ADGRL3: variants seen among roughly 807,000 people sequenced by gnomAD.
ADGRL3 encodes the protein calcium-independent alpha-latrotoxin receptor 3.
ADGRL3 carries 62 observed loss-of-function variants against 153.5 expected under a neutral mutation model. The observed-to-expected ratio is 0.40, with a 90% CI of 0.33 to 0.50. ADGRL3 has a LOEUF of 0.50. ADGRL3 is among the 20% of genes least tolerant of loss of function. The pLI is 0.47. For missense variants in ADGRL3, 1,641 were observed against 1,859.4 expected (o/e 0.88, Z 2.16); for synonymous variants, 710 against 672.5 (o/e 1.06, Z -0.86).
At chr4:61,785,803 C>A (rs2152407572) in intron 8 of ADGRL3, among the ~76,000 whole-genome samples, 1 of 152,264 alleles carries the variant, frequency 6.6e-6, no homozygotes, top group South Asian at 2.1e-4. Flanking sequence ...TTAGGGGAAT[C>A]TTTCTTGCTA....
rs540919784 is a variant in ADGRL3 at position 62,021,058 on chromosome 4, C to T, written c.3396-7797C>T. On this transcript the variant is annotated intron_variant, in intron 21 of 26. Transcript: ENST00000683033. ...GTCTCCTTCATCTTCTTTGTATTTA[C>T]ACTTAATATATAATTTCCAAAATAC... is the stretch of plus-strand genomic sequence containing the variant. Among the ~76,000 whole-genome samples, 280 of 152,002 alleles carry T rather than the reference C, an allele frequency of 1.8e-3. 1 individual carries two copies. The highest frequency in any genetic ancestry group is 6.3e-3 in the African/African-American group (261 of 41,488).
intron 1 of ADGRL3, among the ~76,000 whole-genome samples, chr4:61,243,071 C>T (rs1345381657): frequency 6.6e-6 from 1 of 151,994 alleles, no homozygotes; most frequent in Non-Finnish European, 1.5e-5. Context: ...TCAATTAAAC[C>T]TTCACTGAAA....
intron 1 of ADGRL3, among the ~76,000 whole-genome samples, chr4:61,304,276 A>G (rs1428434363): frequency 6.6e-6 from 1 of 152,200 alleles, no homozygotes; most frequent in African/African-American, 2.4e-5. Flanking sequence ...TTAATCCAGT[A>G]GTTGTGCAAT....
chr4:61,904,784 T>A (rs1391394212), intron 11 of ADGRL3, among the ~76,000 whole-genome samples: 1 of 152,202 alleles, frequency 6.6e-6, no homozygotes, highest in Non-Finnish European at 1.5e-5. Context: ...CATCGATAGA[T>A]GTAATTAAAG....
intron 2 of ADGRL3, among the ~76,000 whole-genome samples, chr4:61,487,345 G>A (rs2098207390): frequency 6.6e-6 from 1 of 152,124 alleles, no homozygotes; most frequent in South Asian, 2.1e-4. Context: ...TCCTTATGGA[G>A]TTTTTATAGG....
At chr4:62,004,207 A>G (rs906717159) in intron 21 of ADGRL3, among the ~76,000 whole-genome samples, 1 of 152,090 alleles carries the variant, frequency 6.6e-6, no homozygotes, top group South Asian at 2.1e-4. Flanking sequence ...TTAATTTTTC[A>G]ATTTCACATT....
At chr4:61,583,374 T>A (rs990421237) in intron 4 of ADGRL3, among the ~76,000 whole-genome samples, 1 of 151,784 alleles carries the variant, frequency 6.6e-6, no homozygotes, top group East Asian at 2.0e-4. Context: ...AAGCACCAAA[T>A]AGGCTTATCA....
chr4:61,722,207 C>T (rs1353739117), intron 6 of ADGRL3, among the ~76,000 whole-genome samples: 1 of 152,140 alleles, frequency 6.6e-6, no homozygotes, highest in Admixed American at 6.5e-5. Flanking sequence ...AAATTGCTAT[C>T]CTGATTCTAT....
chr4:61,832,129 A>G (rs2097878710), intron 9 of ADGRL3, among the ~76,000 whole-genome samples: 1 of 152,170 alleles, frequency 6.6e-6, no homozygotes. Context: ...GATTTATTTA[A>G]TGCACATATG....
intron 5 of ADGRL3, among the ~76,000 whole-genome samples, chr4:61,603,021 C>T (rs2099017899): frequency 6.6e-6 from 1 of 152,112 alleles, no homozygotes; most frequent in Non-Finnish European, 1.5e-5. Context: ...CTTATATTTT[C>T]TCCATTCTAT....
intron 2 of ADGRL3, among the ~76,000 whole-genome samples, chr4:61,415,827 G>A (rs191779028): frequency 4.6e-5 from 7 of 151,934 alleles, no homozygotes; most frequent in Non-Finnish European, 8.8e-5. Flanking sequence ...AATCAGGAAC[G>A]TACATTTCAA....
At chr4:61,894,422 G>GA (rs904204929) in intron 10 of ADGRL3, among the ~76,000 whole-genome samples, 10 of 151,926 alleles carry the variant, frequency 6.6e-5, no homozygotes, top group Non-Finnish European at 1.2e-4. Context: ...TTTTATTTAG[G>GA]AAAAAGAGGG....
At chr4:61,367,617 T>C (rs62314368) in intron 1 of ADGRL3, among the ~76,000 whole-genome samples, 83,010 of 139,844 alleles carry the variant, frequency 0.59, 24,309 homozygotes, top group Middle Eastern at 0.78. Flanking sequence ...TGTGCCACAA[T>C]TTCTTAATCC....
At position 62,068,167 on chromosome 4, in the gene ADGRL3, G is replaced by A; in HGVS notation, c.3816G>A (p.Glu1272=). The A allele has an allele frequency of 6.4e-7, 1 of 1,567,472 alleles. No individual in the cohort carries two copies. The highest frequency in any genetic ancestry group is 8.6e-7 in the Non-Finnish European group (1 of 1,163,370). ...CCTTTTCTTCATGCTGTCGTTTAGAGCCCTACAGAGAGACAAGTATGGGAG... is the reference window on the plus strand; with the variant it reads ...CCTTTTCTTCATGCTGTCGTTTAGAACCCTACAGAGAGACAAGTATGGGAG... ...DINSSASLNR[E]PYRETKGLLN... Residue 1272 remains glutamate (E), a splice_region_variant and synonymous_variant, in exon 26 of 27, where the codon GAG becomes GAA. Coordinates refer to ENST00000683033, the MANE Select transcript of ADGRL3 (RefSeq NM_001387552.1).
chr4:61,442,494 C>G (rs1486919024), intron 2 of ADGRL3, among the ~76,000 whole-genome samples: 1 of 152,074 alleles, frequency 6.6e-6, no homozygotes, highest in Non-Finnish European at 1.5e-5. Flanking sequence ...GGGTGAAAAG[C>G]TGATCAGGGA....
chr4:61,454,371 A>T (rs557313199), intron 2 of ADGRL3, among the ~76,000 whole-genome samples: 88 of 152,266 alleles, frequency 5.8e-4, no homozygotes, highest in Admixed American at 1.3e-3. Context: ...ATTTAGAATA[A>T]TATTCAGATA....
At chr4:61,530,285 T>A (rs766711593) in intron 4 of ADGRL3, among the ~76,000 whole-genome samples, 6 of 151,992 alleles carry the variant, frequency 3.9e-5, no homozygotes, top group Non-Finnish European at 8.8e-5. Context: ...AGCTGTTCCC[T>A]GGGTCTGTCA....
chr4:61,401,065 C>CT (rs528836191), intron 2 of ADGRL3, among the ~76,000 whole-genome samples: 3,687 of 141,798 alleles, frequency 0.026, 66 homozygotes, highest in South Asian at 0.092. Flanking sequence ...AAGGAAGATT[C>CT]TTTTTTTTTT....
intron 9 of ADGRL3, among the ~76,000 whole-genome samples, chr4:61,889,592 TAAAG>T (rs1581318746): frequency 1.3e-5 from 2 of 152,142 alleles, no homozygotes; most frequent in Non-Finnish European, 2.9e-5. Flanking sequence ...AGAAAAAAAA[TAAAG>T]AACATTAATT....
Sources: gnomAD v4.1 joint callset for allele counts (sites outside exome capture counted in the v4.1 genomes callset) on GRCh38, gnomAD v4.1.1 for gene constraint, MANE v1.5 for transcripts, NCBI Gene and HGNC (gene_info 2026-07-23, HGNC 2026-07-21) for gene names.